NAV3: variants seen among roughly 807,000 people sequenced by gnomAD.
The protein encoded by NAV3 is pore membrane and/or filament interacting like protein 1.
In NAV3, 87 loss-of-function variants were observed where a neutral mutation model predicts 244.7. The ratio of observed to expected loss-of-function variants is 0.36; its 90% CI spans 0.30 to 0.42. The LOEUF is 0.42. Among genes scored for constraint, NAV3 ranks in the 20% least tolerant of loss-of-function variants. NAV3 has a pLI of 1.00. For synonymous variants in NAV3, 1,126 were observed against 1,042.2 expected (o/e 1.08, Z -1.55); for missense variants, 2,663 against 2,893.3 (o/e 0.92, Z 1.83).
At position 78,037,300 on chromosome 12, in the gene NAV3, T is replaced by G; in HGVS notation, c.2024-12693T>G. The stretch of plus-strand genomic sequence containing the variant: ...GCTGAAGAGGAGGGAGAAAGCTGTT[T>G]GCGGGAAGGGACAGCTCATCTGGAT... On this transcript the variant is annotated intron_variant, in intron 9 of 39. Coordinates refer to ENST00000397909, the MANE Select transcript of NAV3 (RefSeq NM_001024383.2). 7.1e-6 allele frequency: 5 copies of G among 702,968 alleles called. No homozygotes were observed. The South Asian group carries it at 7.4e-5, about 10-fold the overall frequency. The allele number at this position is 702,968 out of a possible 1,614,324, so 43.5% of individuals were successfully genotyped here. A position where few individuals can be genotyped will look rare whatever the true frequency, so the allele number is the denominator to read the frequency against.
At chr12:78,145,518 T>TCAA (rs1418339777) in intron 20 of NAV3, among the ~76,000 whole-genome samples, 1 of 152,210 alleles carries the variant, frequency 6.6e-6, no homozygotes, top group Non-Finnish European at 1.5e-5. Context: ...CTTGTACTAT[T>TCAA]CAACAACATT....
chr12:77,866,395 G>T (rs1222030582), intron 1 of NAV3, among the ~76,000 whole-genome samples: 1 of 152,264 alleles, frequency 6.6e-6, no homozygotes, highest in African/African-American at 2.4e-5. Flanking sequence ...TAACTTGAGT[G>T]CCTGCTGGCT....
rs2138697315 is a variant in NAV3 at position 78,122,256 on chromosome 12, G to T, written c.4066G>T (p.Gly1356Cys). The T allele has an allele frequency of 6.2e-7, 1 of 1,614,182 alleles. No individual in the cohort carries two copies. ...WAANMSSSSA[G>C]SKDTPSYQSM... is the part of the protein sequence containing the mutation. ...TGCCAATATGAGCAGTTCCTCTGCA[G>T]GCAGCAAGGATACTCCGAGCTACCA... is the stretch of plus-strand genomic sequence containing the variant. The change falls in exon 16 of 40, where the codon GGC becomes TGC. Residue 1356 changes from glycine to cysteine, a missense_variant. Around this residue, in one of 6 missense-constraint regions of NAV3, gnomAD observed 354 missense variants for 413.0 expected, o/e 0.86. Transcript: ENST00000397909.
At chr12:77,966,936 A>T (rs2137959318) in intron 4 of NAV3, among the ~76,000 whole-genome samples, 1 of 152,156 alleles carries the variant, frequency 6.6e-6, no homozygotes, top group Non-Finnish European at 1.5e-5. Flanking sequence ...AAGGTGGCAA[A>T]AGTTTGCAAA....
intron 2 of NAV3, among the ~76,000 whole-genome samples, chr12:77,587,029 A>G (rs1783166152): frequency 6.6e-6 from 1 of 152,204 alleles, no homozygotes; most frequent in Admixed American, 6.5e-5. Context: ...AATTATTTAT[A>G]TTGCTTATTT....
At chr12:78,199,554 G>A (rs2140017135) in intron 37 of NAV3, 23 bp downstream of exon 37, 2 of 1,534,098 alleles carry the variant, frequency 1.3e-6, no homozygotes, top group Non-Finnish European at 8.8e-7. Flanking sequence ...ATTATAATAT[G>A]CCATTTTCCA....
At chr12:77,778,444 C>T (rs189362963) in intron 2 of NAV3, among the ~76,000 whole-genome samples, 3,191 of 151,370 alleles carry the variant, frequency 0.021, 130 homozygotes, top group African/African-American at 0.074. Flanking sequence ...AACCCCGTCT[C>T]TACTAAAAAT....
chr12:77,585,229 C>T (rs373858072), intron 2 of NAV3, among the ~76,000 whole-genome samples: 3 of 152,142 alleles, frequency 2.0e-5, no homozygotes, highest in South Asian at 2.1e-4. Context: ...CAGTGCTCAG[C>T]GCTCATCCTC....
intron 38 of NAV3, among the ~76,000 whole-genome samples, chr12:78,202,244 T>C (rs1305157575): frequency 6.6e-6 from 1 of 152,116 alleles, no homozygotes; most frequent in East Asian, 1.9e-4. Flanking sequence ...AAAATCATTT[T>C]ATGAAAATTT....
chr12:78,042,555 G>A (rs1370521845), intron 9 of NAV3, among the ~76,000 whole-genome samples: 1 of 151,798 alleles, frequency 6.6e-6, no homozygotes, highest in Non-Finnish European at 1.5e-5. Flanking sequence ...CACTTTGGGA[G>A]GCCAAGGCAG....
intron 10 of NAV3, 116 bp downstream of exon 10, chr12:78,050,217 C>T: frequency 1.3e-6 from 1 of 743,812 alleles, no homozygotes; most frequent in Non-Finnish European, 2.3e-6. Flanking sequence ...ACTATTTTCT[C>T]CCTTGTTTTA....
At chr12:77,888,578 A>T (rs900078781) in intron 1 of NAV3, among the ~76,000 whole-genome samples, 1 of 152,210 alleles carries the variant, frequency 6.6e-6, no homozygotes, top group East Asian at 1.9e-4. Context: ...CAAAGTAATG[A>T]AGAGAAGCAT....
intron 1 of NAV3, among the ~76,000 whole-genome samples, chr12:77,843,512 A>G (rs1876074170): frequency 6.6e-6 from 1 of 151,042 alleles, no homozygotes; most frequent in Non-Finnish European, 1.5e-5. Context: ...TTCTTTGAAT[A>G]TTAAATTCCT....
At chr12:77,805,657 G>T (rs1592698928) in intron 2 of NAV3, among the ~76,000 whole-genome samples, 1 of 68,830 alleles carries the variant, frequency 1.5e-5, no homozygotes, top group African/African-American at 3.2e-5. Flanking sequence ...CCAGGTTTTA[G>T]TATCAGGATG....
chr12:77,575,340 A>C (rs1869029748), intron 2 of NAV3, among the ~76,000 whole-genome samples: 1 of 152,098 alleles, frequency 6.6e-6, no homozygotes. Context: ...GTCAACTTGG[A>C]TTAGTGTAGG....
chr12:77,658,709 T>A (rs1329834272), intron 2 of NAV3, among the ~76,000 whole-genome samples: 2 of 151,952 alleles, frequency 1.3e-5, no homozygotes, highest in South Asian at 2.1e-4. Context: ...CTTCAAACTA[T>A]ACTACAAGGC....
At chr12:78,045,065 T>G (rs1287725764) in intron 9 of NAV3, among the ~76,000 whole-genome samples, 1 of 152,226 alleles carries the variant, frequency 6.6e-6, no homozygotes, top group Admixed American at 6.5e-5. Flanking sequence ...TGGCTGTGTG[T>G]CTGTCATAAA....
chr12:78,033,136 T>A (rs1879271184), intron 9 of NAV3, among the ~76,000 whole-genome samples: 3 of 152,164 alleles, frequency 2.0e-5, no homozygotes, highest in Admixed American at 2.0e-4. Context: ...ACCAGAAGGA[T>A]AAGCGAATGG....
chr12:77,582,024 C>T (rs1245519698), intron 2 of NAV3, among the ~76,000 whole-genome samples: 1 of 152,184 alleles, frequency 6.6e-6, no homozygotes, highest in Non-Finnish European at 1.5e-5. Context: ...TTACACTTTA[C>T]AACTCTGTAA....
Sources: gnomAD v4.1 joint callset for allele counts (sites outside exome capture counted in the v4.1 genomes callset) on GRCh38, gnomAD v4.1.1 for gene constraint, gnomAD v4.1.1 regional missense constraint, MANE v1.5 for transcripts, NCBI Gene and HGNC (gene_info 2026-07-23, HGNC 2026-07-21) for gene names.